Variants in PPP1R12B observed in about 807,000 individuals in gnomAD.
PPP1R12B encodes the protein myosin phosphatase target subunit 2.
PPP1R12B carries 76 observed loss-of-function variants against 126.1 expected under a neutral mutation model. That is an observed-to-expected ratio of 0.60 (90% CI 0.50 to 0.73). The LOEUF (loss-of-function observed/expected upper bound fraction) is 0.73, where lower values mean the gene tolerates loss of function less well. PPP1R12B is among the 30% of genes least tolerant of loss of function. The pLI is 0.00. For missense variants in PPP1R12B, 1,052 were observed against 1,205.1 expected, an observed-to-expected ratio of 0.87 and a Z score of 1.88; for synonymous variants, 356 against 434.7, an observed-to-expected ratio of 0.82 and a Z score of 2.25.
chr1:202,569,091 A>G (rs1014664813), intron 22 of PPP1R12B, 56 bp from the exon 23 acceptor site: 1 of 1,581,184 alleles, frequency 6.3e-7, no homozygotes, highest in African/African-American at 1.3e-5. Flanking sequence ...GGGAGGCAGC[A>G]TTTTTACTCC....
intron 1 of PPP1R12B, among the ~76,000 whole-genome samples, chr1:202,365,501 T>C (rs1380426228): frequency 6.6e-6 from 1 of 152,348 alleles, no homozygotes; most frequent in East Asian, 1.9e-4. Flanking sequence ...ATTTTGCTTT[T>C]TAAAAATTAT....
rs1334298034 is a variant in PPP1R12B, at chr1:202,586,452, G to T, written c.*5892G>T. ...TCTCACTGGTGACTTCATCCCTCAG[G>T]CTCCAGCTGAGCAGAGATTTTAATC... On this transcript the variant is annotated 3_prime_UTR_variant, in exon 24 of 24. Coordinates refer to ENST00000608999, the MANE Select transcript of PPP1R12B (RefSeq NM_002481.4). 1 of 152,228 alleles carries T rather than the reference G, an allele frequency of 6.6e-6. No homozygotes were observed. Among genetic ancestry groups the T allele is most frequent in the Admixed American group, 6.5e-5 (1 of 15,284 alleles). The allele number at this position is 152,228 out of a possible 1,614,324, so 9.4% of individuals were successfully genotyped here.
intron 23 of PPP1R12B, among the ~76,000 whole-genome samples, chr1:202,574,754 T>C (rs1688933823): frequency 6.6e-6 from 1 of 152,190 alleles, no homozygotes; most frequent in Non-Finnish European, 1.5e-5. Flanking sequence ...GTTATATTCA[T>C]ATGGCATATT....
chr1:202,355,406 C>T (rs1362904233), intron 1 of PPP1R12B, among the ~76,000 whole-genome samples: 1 of 152,116 alleles, frequency 6.6e-6, no homozygotes, highest in Admixed American at 6.5e-5. Context: ...CTATGATACC[C>T]TGGAAAGGAT....
rs1292771675 is a variant in PPP1R12B, at chr1:202,444,690, A to AGG, written c.1667+2118_1667+2119insGG. Among the ~76,000 whole-genome samples, 11 of 152,248 alleles carry AGG rather than the reference A, an allele frequency of 7.2e-5. 1 individual carries two copies. The South Asian group carries it at 8.3e-4, about 11-fold the overall frequency. ...TTGGGAATTACTTTTTTCTAATAAA[A>AGG]TTATCCTTTTTCCTATTATTCCCTT... On this transcript the variant is annotated intron_variant, in intron 12 of 23. Coordinates refer to ENST00000608999, the MANE Select transcript of PPP1R12B (RefSeq NM_002481.4).
chr1:202,393,577 A>T (rs1361218291), intron 1 of PPP1R12B, among the ~76,000 whole-genome samples: 1 of 152,200 alleles, frequency 6.6e-6, no homozygotes, highest in African/African-American at 2.4e-5. Flanking sequence ...ATAAAAATAT[A>T]TGCAGATCAT....
chr1:202,468,634 A>G (rs1675393787), intron 13 of PPP1R12B, among the ~76,000 whole-genome samples: 1 of 152,194 alleles, frequency 6.6e-6, no homozygotes, highest in Admixed American at 6.5e-5. Flanking sequence ...TTGCTTCAGA[A>G]CAGAGCATTT....
At chr1:202,524,514 C>T (rs537859334) in intron 18 of PPP1R12B, among the ~76,000 whole-genome samples, 1 of 152,010 alleles carries the variant, frequency 6.6e-6, no homozygotes, top group South Asian at 2.1e-4. Flanking sequence ...TATTCCTTAC[C>T]CCCCTCTCAC....
chr1:202,414,051 A>G (rs1667751623), intron 1 of PPP1R12B, among the ~76,000 whole-genome samples: 1 of 152,026 alleles, frequency 6.6e-6, no homozygotes. Flanking sequence ...CCTCCTGAGT[A>G]CCTGAGATTA....
chr1:202,485,885 T>C lies in PPP1R12B; in HGVS notation c.1851-2648T>C, dbSNP rs563300075. ...TAGGGCTATTTTAATATTATTATTA[T>C]TGTTATTATTATTTGAGACAAGGTC... On this transcript the variant is annotated intron_variant, in intron 13 of 23. Transcript: ENST00000608999. 1.6e-4 allele frequency among the ~76,000 whole-genome samples: 25 copies of C among 152,246 alleles called. No individual in the cohort carries two copies. The South Asian group carries it at 5.2e-3, about 32-fold the overall frequency.
Position 202,348,752 on chromosome 1 carries a change from C to T in PPP1R12B, c.-100C>T. On this transcript the variant is annotated 5_prime_UTR_variant, in exon 1 of 24. Transcript: ENST00000608999. ...GCGGCGCGAGGGTCTCCGCCCTCTG[C>T]TCCGGGCTGAAGCGCTCTGAGAGAG... is the stretch of plus-strand genomic sequence containing the variant. 2 of 1,425,016 alleles carry T rather than the reference C, an allele frequency of 1.4e-6. No homozygotes were observed. Among genetic ancestry groups the T allele is most frequent in the South Asian group, 1.5e-5 (1 of 67,970 alleles). The allele number at this position is 1,425,016 out of a possible 1,614,324, so 88.3% of individuals were successfully genotyped here. A position where few individuals can be genotyped will look rare whatever the true frequency, so the allele number is the denominator to read the frequency against.
intron 23 of PPP1R12B, among the ~76,000 whole-genome samples, chr1:202,574,321 G>T (rs1409258008): frequency 1.3e-5 from 2 of 152,104 alleles, no homozygotes; most frequent in African/African-American, 4.8e-5. Context: ...ACCAGCTTGG[G>T]CTACATAGCG....
In PPP1R12B at chr1:202,567,795, C is replaced by T. The variant is rs1190232427; in HGVS notation, c.2775C>T (p.Thr925=). 1.9e-6 allele frequency: 3 copies of T among 1,613,906 alleles called. No individual in the cohort carries two copies. Among genetic ancestry groups the T allele is most frequent in the East Asian group, 2.2e-5 (1 of 44,888 alleles). ...EKVAQQKQEK[T]SDRSSVLEME... ...TGCACCAGCAGAAACAAGAAAAGAC[C>T]TCTGACCGATCATCAGTGCTGGAGA... The change falls in exon 22 of 24, where the codon ACC becomes ACT. Residue 925 remains threonine, a synonymous_variant. Coordinates refer to ENST00000608999, the MANE Select transcript of PPP1R12B (RefSeq NM_002481.4).
intron 1 of PPP1R12B, among the ~76,000 whole-genome samples, chr1:202,396,072 C>T (rs553468317): frequency 3.3e-5 from 5 of 152,142 alleles, no homozygotes; most frequent in African/African-American, 4.8e-5. Flanking sequence ...TCTGAACAGT[C>T]GATACCACCT....
At chr1:202,390,231 AAAAG>A (rs1442644870) in intron 1 of PPP1R12B, among the ~76,000 whole-genome samples, 3 of 152,228 alleles carry the variant, frequency 2.0e-5, no homozygotes, top group African/African-American at 7.2e-5. Flanking sequence ...GATAACATGC[AAAAG>A]AATGAAGTTG....
chr1:202,378,626 T>A (rs1331226276), intron 1 of PPP1R12B, among the ~76,000 whole-genome samples: 2 of 152,024 alleles, frequency 1.3e-5, no homozygotes, highest in African/African-American at 2.4e-5. Context: ...ATTACAGGCA[T>A]GTGCCACCAC....
intron 11 of PPP1R12B, among the ~76,000 whole-genome samples, chr1:202,441,945 C>T (rs376971312): frequency 7.1e-4 from 108 of 152,200 alleles, no homozygotes; most frequent in African/African-American, 2.4e-3. Flanking sequence ...CAGCCTCTGC[C>T]TCCTGGGTTC....
chr1:202,502,368 G>A (rs1680326726), intron 18 of PPP1R12B: 1 of 985,068 alleles, frequency 1.0e-6, no homozygotes, highest in Non-Finnish European at 1.2e-6. Flanking sequence ...GAACACAATT[G>A]GAATTTGCTA....
chr1:202,362,172 G>A (rs1226681069), intron 1 of PPP1R12B, among the ~76,000 whole-genome samples: 7 of 151,606 alleles, frequency 4.6e-5, no homozygotes, highest in Non-Finnish European at 1.5e-5. Context: ...GAAATGTGAC[G>A]TTAAAATGCC....
Sources: gnomAD v4.1 joint callset for allele counts (sites outside exome capture counted in the v4.1 genomes callset) on GRCh38, gnomAD v4.1.1 for gene constraint, MANE v1.5 for transcripts, NCBI Gene and HGNC (gene_info 2026-07-23, HGNC 2026-07-21) for gene names.